Variants in TMEM132D observed in about 807,000 individuals in gnomAD.
The protein encoded by TMEM132D is mature OL transmembrane protein.
Under a neutral mutation model 62.3 loss-of-function variants are expected in TMEM132D, and 21 were observed. The ratio of observed to expected loss-of-function variants is 0.34; its 90% CI spans 0.24 to 0.49. The LOEUF is 0.49. Ranked by LOEUF, TMEM132D falls within the 20% of genes least tolerant of loss-of-function variation. TMEM132D has a pLI of 0.99. For synonymous variants in TMEM132D, 621 were observed against 575.6 expected (o/e 1.08, Z -1.13); for missense variants, 1,346 against 1,402.8 (o/e 0.96, Z 0.65).
intron 1 of TMEM132D, among the ~76,000 whole-genome samples, chr12:129,829,324 TCTC>T (rs1226505567): frequency 6.6e-6 from 1 of 152,094 alleles, no homozygotes; most frequent in African/African-American, 2.4e-5. Flanking sequence ...GAAAGGGACA[TCTC>T]CTTCCTCTTC....
intron 1 of TMEM132D, among the ~76,000 whole-genome samples, chr12:129,868,027 G>GGCGTTTCTATGGTACACACATGGGACA (rs1874111576): frequency 8.2e-6 from 1 of 121,382 alleles, no homozygotes; most frequent in African/African-American, 2.6e-5. Context: ...TACATGAGGT[G>GGCGTTTCTATGGTACACACATGGGACA]GCGTTTCTAT....
At chr12:129,315,360 C>T (rs1047953989) in intron 4 of TMEM132D, among the ~76,000 whole-genome samples, 32 of 152,174 alleles carry the variant, frequency 2.1e-4, no homozygotes, top group African/African-American at 7.5e-4. Flanking sequence ...TAAAGGGATG[C>T]TGAATTGTGT....
intron 4 of TMEM132D, among the ~76,000 whole-genome samples, chr12:129,250,013 G>T (rs182434877): frequency 6.6e-6 from 1 of 152,118 alleles, no homozygotes; most frequent in Non-Finnish European, 1.5e-5. Context: ...GGCGTACCCC[G>T]CTGAGACCTC....
intron 5 of TMEM132D, 47 bp downstream of exon 5, chr12:129,209,472 GC>G: frequency 6.2e-7 from 1 of 1,607,310 alleles, no homozygotes; most frequent in South Asian, 1.1e-5. Flanking sequence ...GAGCACAGAA[GC>G]TGACATGACA....
At chr12:129,497,673 T>G (rs1474633924) in intron 3 of TMEM132D, among the ~76,000 whole-genome samples, 1 of 152,220 alleles carries the variant, frequency 6.6e-6, no homozygotes, top group Non-Finnish European at 1.5e-5. Context: ...ATTTTGTTTT[T>G]TTTTTTTAAA....
chr12:129,164,764 C>T (rs1877491253), intron 5 of TMEM132D, among the ~76,000 whole-genome samples: 1 of 152,086 alleles, frequency 6.6e-6, no homozygotes, highest in African/African-American at 2.4e-5. Context: ...GGGGAAACTG[C>T]CCCCATAATT....
chr12:129,571,220 C>G (rs929180944), intron 2 of TMEM132D, among the ~76,000 whole-genome samples: 7 of 152,148 alleles, frequency 4.6e-5, no homozygotes, highest in Non-Finnish European at 7.3e-5. Context: ...CACAAAACCT[C>G]TATGAATGCT....
chr12:129,419,154 C>A (rs975944554), intron 3 of TMEM132D, among the ~76,000 whole-genome samples: 5 of 151,444 alleles, frequency 3.3e-5, no homozygotes, highest in African/African-American at 1.2e-4. Flanking sequence ...AACTAATACA[C>A]CCTATTTCTT....
chr12:129,466,354 C>CTG (rs1236527345), intron 3 of TMEM132D, among the ~76,000 whole-genome samples: 2 of 133,406 alleles, frequency 1.5e-5, no homozygotes, highest in African/African-American at 2.8e-5. Context: ...GTCACACAGG[C>CTG]TGGAGTGCAG....
chr12:129,535,477 T>TA (rs1213435659), intron 2 of TMEM132D, among the ~76,000 whole-genome samples: 1 of 152,230 alleles, frequency 6.6e-6, no homozygotes, highest in Non-Finnish European at 1.5e-5. Flanking sequence ...GTCAGCCTCC[T>TA]AAAGTCTATA....
At chr12:129,295,282 C>G (rs951874132) in intron 4 of TMEM132D, among the ~76,000 whole-genome samples, 24 of 151,884 alleles carry the variant, frequency 1.6e-4, no homozygotes, top group Admixed American at 6.6e-5. Context: ...CTGCCGGCTA[C>G]ACACTACAGA....
chr12:129,240,117 T>C (rs997014471), intron 4 of TMEM132D, among the ~76,000 whole-genome samples: 2 of 152,042 alleles, frequency 1.3e-5, no homozygotes, highest in Admixed American at 1.3e-4. Context: ...ACTTGGAAAA[T>C]ATACGCAAGC....
intron 1 of TMEM132D, among the ~76,000 whole-genome samples, chr12:129,787,970 A>T (rs1367879544): frequency 6.6e-6 from 1 of 152,226 alleles, no homozygotes; most frequent in East Asian, 1.9e-4. Flanking sequence ...TGAAAACAGA[A>T]GAGACGGTTA....
chr12:129,808,439 G>T (rs1872066178), intron 1 of TMEM132D, among the ~76,000 whole-genome samples: 1 of 152,174 alleles, frequency 6.6e-6, no homozygotes, highest in African/African-American at 2.4e-5. Context: ...GGAAGCAGGG[G>T]TTGCTACAGT....
At chr12:129,098,565 G>A (rs903312234) in intron 5 of TMEM132D, among the ~76,000 whole-genome samples, 1 of 152,154 alleles carries the variant, frequency 6.6e-6, no homozygotes, top group African/African-American at 2.4e-5. Flanking sequence ...CTTCACAACA[G>A]CCCTGTGAGG....
intron 1 of TMEM132D, among the ~76,000 whole-genome samples, chr12:129,745,605 C>T (rs1444802184): frequency 6.6e-6 from 1 of 152,176 alleles, no homozygotes; most frequent in Non-Finnish European, 1.5e-5. Context: ...ACGGTATAAC[C>T]CATTTCACAG....
intron 5 of TMEM132D, among the ~76,000 whole-genome samples, chr12:129,157,626 A>G (rs1289858382): frequency 6.6e-6 from 1 of 152,262 alleles, no homozygotes; most frequent in Non-Finnish European, 1.5e-5. Context: ...TGAAACACAA[A>G]TTATATAAAA....
Position 129,287,862 on chromosome 12 carries a change from G to A in TMEM132D, c.1299+49772C>T, listed in dbSNP as rs568097399. ...TCAAAAAACAGTTCACTGTACATGC[G>A]TGTATTTATTTCTGGGCTCTTTGTT... On this transcript the variant is annotated intron_variant, in intron 4 of 8. Transcript: ENST00000422113. Among the ~76,000 whole-genome samples the A allele has an allele frequency of 7.2e-5, 11 of 152,266 alleles. No homozygotes were observed. The South Asian group carries it at 1.4e-3, about 20-fold the overall frequency.
At chr12:129,152,974 C>T (rs144710855) in intron 5 of TMEM132D, among the ~76,000 whole-genome samples, 14 of 152,276 alleles carry the variant, frequency 9.2e-5, no homozygotes, top group Non-Finnish European at 4.4e-5. Flanking sequence ...AGCTCCCACC[C>T]GGCACTTCCT....
Sources: gnomAD v4.1 joint callset for allele counts (sites outside exome capture counted in the v4.1 genomes callset) on GRCh38, gnomAD v4.1.1 for gene constraint, MANE v1.5 for transcripts, NCBI Gene and HGNC (gene_info 2026-07-23, HGNC 2026-07-21) for gene names.